RACGAP1: variants seen among roughly 807,000 people sequenced by gnomAD.
The protein encoded by RACGAP1 is rac GTPase-activating protein 1.
RACGAP1 carries 30 observed loss-of-function variants against 78.1 expected under a neutral mutation model. The observed-to-expected ratio is 0.38, with a 90% confidence interval of 0.29 to 0.52. The LOEUF (loss-of-function observed/expected upper bound fraction) is 0.52, where lower values mean the gene tolerates loss of function less well. RACGAP1 is among the 20% of genes least tolerant of loss of function. RACGAP1 has a pLI of 0.82. For synonymous variants in RACGAP1, 231 were observed against 264.8 expected (o/e 0.87, Z 1.24); for missense variants, 587 against 777.1 (o/e 0.76, Z 2.91).
At chr12:49,997,725 G>C (rs529669436) in intron 9 of RACGAP1, among the ~76,000 whole-genome samples, 1 of 151,936 alleles carries the variant, frequency 6.6e-6, no homozygotes, top group African/African-American at 2.4e-5. Context: ...TTACAGGCAT[G>C]CGCCACCACG....
At chr12:49,997,298 C>T (rs1277229818) in intron 9 of RACGAP1, 94 bp from the exon 10 acceptor site, 16 of 1,341,396 alleles carry the variant, frequency 1.2e-5, no homozygotes, top group African/African-American at 3.1e-5. Flanking sequence ...TTTTTGAGAC[C>T]GAATCTCACT....
At position 49,999,132 on chromosome 12, in the gene RACGAP1, C is replaced by A; in HGVS notation, c.879+9G>T. ...AAAATTAAAACACAAACAACAATCA[C>A]AGATTTACCGTCTTAGAAACAAAGT... On this transcript the variant is annotated intron_variant, in intron 9 of 16. Coordinates refer to ENST00000312377, the MANE Select transcript of RACGAP1 (RefSeq NM_001319999.2). 6.3e-7 allele frequency: 1 copy of A among 1,575,274 alleles called. No individual in the cohort carries two copies. Among genetic ancestry groups the A allele is most frequent in the Non-Finnish European group, 8.6e-7 (1 of 1,165,146 alleles).
At chr12:50,000,106 C>T (rs556641793) in intron 7 of RACGAP1, among the ~76,000 whole-genome samples, 5 of 145,016 alleles carry the variant, frequency 3.4e-5, no homozygotes, top group Non-Finnish European at 6.0e-5. Context: ...CTCCACCTCC[C>T]GGGTTCACGC....
rs57512055 is a variant in RACGAP1 at position 49,996,628 on chromosome 12, T to TAAAAAAAAAAAAAAAAA, written c.1044+395_1044+411dup. Among the ~76,000 whole-genome samples the TAAAAAAAAAAAAAAAAA allele has an allele frequency of 3.2e-4, 6 of 18,996 alleles. 1 individual carries two copies. The highest frequency in any genetic ancestry group is 9.4e-4 in the Admixed American group (1 of 1,066). 12.5% of individuals were successfully genotyped at this position (18,996 alleles called of 152,430 possible). ...TGCACTCCAGCCTAGGCAATAGAGC[T>TAAAAAAAAAAAAAAAAA]AAAAAAAAAAAAAAAAAAAAAAAAA... On this transcript the variant is annotated intron_variant, in intron 10 of 16. Coordinates refer to ENST00000312377, the MANE Select transcript of RACGAP1 (RefSeq NM_001319999.2).
rs147594077 is a variant in RACGAP1, at chr12:50,018,476, G to A, written c.-4-1757C>T. On this transcript the variant is annotated intron_variant, in intron 1 of 16. Transcript: ENST00000312377. ...CAGGAAGAGCTGTGGAATTCATGGA[G>A]ATGCCATGGATTTAACATATAATGA... is the stretch of plus-strand genomic sequence containing the variant. 1.2e-4 allele frequency: 141 copies of A among 1,149,882 alleles called. No individual in the cohort carries two copies. The East Asian group carries it at 7.7e-3, about 63-fold the overall frequency. The allele number at this position is 1,149,882 out of a possible 1,614,324, so 71.2% of individuals were successfully genotyped here.
At chr12:50,024,053 C>T (rs1431164662) in intron 1 of RACGAP1, among the ~76,000 whole-genome samples, 11 of 151,734 alleles carry the variant, frequency 7.2e-5, no homozygotes, top group African/African-American at 2.2e-4. Flanking sequence ...CCCAGCTACT[C>T]GGGAGGCTGA....
intron 9 of RACGAP1, among the ~76,000 whole-genome samples, chr12:49,997,637 G>A (rs1197204526): frequency 6.6e-6 from 1 of 151,110 alleles, no homozygotes; most frequent in Admixed American, 6.6e-5. Context: ...GCAATGGCGT[G>A]GTAGAGGTTG....
intron 7 of RACGAP1, among the ~76,000 whole-genome samples, chr12:50,000,812 G>A (rs1300918867): frequency 3.3e-5 from 5 of 152,186 alleles, no homozygotes; most frequent in African/African-American, 1.2e-4. Flanking sequence ...CACTTTGGGA[G>A]GCTGAGGCAG....
exon 2 of RACGAP1, chr12:50,031,761 G>A: frequency 1.0e-6 from 1 of 985,454 alleles, no homozygotes; most frequent in Non-Finnish European, 1.2e-6. Context: ...AACTCCCGCA[G>A]CACTGTGTTC....
rs768280322 is a variant in RACGAP1, at chr12:50,005,385, T to C, written c.296A>G (p.Gln99Arg). Residue 99 changes from glutamine (Q) to arginine (R), a missense_variant, in exon 4 of 17, where the codon CAG becomes CGG. Coordinates refer to ENST00000312377, the MANE Select transcript of RACGAP1 (RefSeq NM_001319999.2). ...GAGCATCTCTCGAATCAGCTGAATC[T>C]GTCGTTCCTACAGACCAAAGCAAAG... The part of the protein sequence containing the change: ...AEADCEKLER[Q>R]IQLIREMLMC... 6.8e-6 allele frequency: 11 copies of C among 1,614,114 alleles called. No homozygotes were observed. In the Admixed American group the frequency reaches 1.0e-4, roughly 15 times the overall value.
At chr12:50,026,623 CCATA>C (rs1485426212), upstream of RACGAP1, among the ~76,000 whole-genome samples, 1 of 152,170 alleles carries the variant, frequency 6.6e-6, no homozygotes, top group African/African-American at 2.4e-5. Flanking sequence ...CAAAACATCA[CCATA>C]AATATATAAA....
In RACGAP1 at chr12:50,002,306, G is replaced by A. The variant is rs748411130; in HGVS notation, c.496-6C>T. 2.5e-6 allele frequency: 4 copies of A among 1,611,930 alleles called. No individual in the cohort carries two copies. The South Asian group carries it at 4.4e-5, about 18-fold the overall frequency. Reference sequence around the variant, plus strand: ...ACCAAAGAAGAGTCCCAATCCTGTTGACAATTACACTGTATTAATTTCTTT... The same window carrying A: ...ACCAAAGAAGAGTCCCAATCCTGTTAACAATTACACTGTATTAATTTCTTT... On this transcript the variant is annotated splice_polypyrimidine_tract_variant and splice_region_variant and intron_variant, in intron 5 of 16. Coordinates refer to ENST00000312377, the MANE Select transcript of RACGAP1 (RefSeq NM_001319999.2).
intron 6 of RACGAP1, 22 bp from the exon 7 acceptor site, chr12:50,001,274 G>A (rs754478603): frequency 6.4e-6 from 10 of 1,564,506 alleles, no homozygotes; most frequent in South Asian, 3.3e-5. Context: ...ACAAAGACCC[G>A]TAACTTTAAT....
intron 1 of RACGAP1, among the ~76,000 whole-genome samples, chr12:50,022,565 A>G (rs1198110322): frequency 2.0e-5 from 3 of 152,174 alleles, no homozygotes; most frequent in African/African-American, 7.2e-5. Flanking sequence ...CCGGGCAACA[A>G]GAGTGAAACT....
chr12:49,997,341 T>C (rs1177078738), intron 9 of RACGAP1, 137 bp from the exon 10 acceptor site: 28 of 1,272,638 alleles, frequency 2.2e-5, no homozygotes, highest in Non-Finnish European at 2.8e-5. Flanking sequence ...GTGGTGTGAT[T>C]TCAGCTCACT....
At chr12:49,999,312 T>C in intron 8 of RACGAP1, 41 bp from the exon 9 acceptor site, 1 of 1,570,964 alleles carries the variant, frequency 6.4e-7, no homozygotes, top group Non-Finnish European at 8.6e-7. Context: ...TCTTAAGTAT[T>C]TTGCTCCTTC....
At chr12:49,998,642 G>A (rs1309615135) in intron 9 of RACGAP1, among the ~76,000 whole-genome samples, 1 of 152,152 alleles carries the variant, frequency 6.6e-6, no homozygotes, top group Non-Finnish European at 1.5e-5. Flanking sequence ...GCTCATGCCT[G>A]TAATCCCAGG....
chr12:50,006,595 T>C lies in RACGAP1; in HGVS notation c.127A>G (p.Lys43Glu). ...LAKDFEDFRK[K>E]WQRTDHELGK... ...AGCTCATGGTCAGTCCTCTGCCACT[T>C]TTTACGGAAATCCTCAAAGTCCTTC... is the stretch of plus-strand genomic sequence containing the variant. The change falls in exon 3 of 17, where the codon AAG (lysine) becomes GAG (glutamate). Residue 43 changes from lysine to glutamate, a missense_variant. By Grantham distance (56) the Lys-to-Glu change is moderately conservative. Coordinates refer to ENST00000312377, the MANE Select transcript of RACGAP1 (RefSeq NM_001319999.2). The C allele has an allele frequency of 6.2e-7, 1 of 1,614,198 alleles. No homozygotes were observed. The highest frequency in any genetic ancestry group is 1.1e-5 in the South Asian group (1 of 91,088).
chr12:50,000,018 A>ATGTTTTTTTTTT (rs1555172403), intron 7 of RACGAP1, among the ~76,000 whole-genome samples: 7 of 99,620 alleles, frequency 7.0e-5, no homozygotes, highest in South Asian at 3.9e-4. Context: ...CACCTGACTG[A>ATGTTTTTTTTTT]TTTTTTTTTT....
Sources: allele counts gnomAD v4.1 joint callset (sites outside exome capture counted in the v4.1 genomes callset), GRCh38; gene constraint gnomAD v4.1.1; transcripts MANE v1.5; gene names NCBI Gene and HGNC (gene_info 2026-07-23, HGNC 2026-07-21).